Variants in SOX5 observed in about 807,000 individuals in gnomAD.
The protein encoded by SOX5 is transcription factor SOX-5.
In SOX5, 9 loss-of-function variants were observed where a neutral mutation model predicts 92.0. The ratio of observed to expected loss-of-function variants is 0.10; its 90% CI spans 0.06 to 0.17. The LOEUF is 0.17. SOX5 is among the 10% of genes least tolerant of loss of function. The pLI is 1.00. For missense variants in SOX5, 642 were observed against 944.5 expected (o/e 0.68, Z 4.20); for synonymous variants, 344 against 336.3 (o/e 1.02, Z -0.25).
At chr12:24,320,021 C>G (rs1042179558) in intron 2 of SOX5, among the ~76,000 whole-genome samples, 7 of 152,186 alleles carry the variant, frequency 4.6e-5, no homozygotes, top group African/African-American at 1.4e-4. Flanking sequence ...TATATTTCTA[C>G]TAGACTGCTA....
intron 1 of SOX5, among the ~76,000 whole-genome samples, chr12:24,493,233 G>T (rs9630247): frequency 0.31 from 46,529 of 151,892 alleles, 8,396 homozygotes; most frequent in East Asian, 0.71. Context: ...ATTTGAAATC[G>T]CTGGTTAAAA....
At chr12:24,207,643 T>C (rs1279340893) in intron 4 of SOX5, among the ~76,000 whole-genome samples, 1 of 152,208 alleles carries the variant, frequency 6.6e-6, no homozygotes, top group Non-Finnish European at 1.5e-5. Context: ...CAAATGCTAC[T>C]TCAAGACCAT....
In SOX5 at chr12:23,640,835, C is replaced by T. The variant is rs922164639; in HGVS notation, c.994G>A (p.Gly332Ser). Residue 332 changes from glycine to serine, a missense_variant, in exon 8 of 15, where the codon GGC becomes AGC. Gly to Ser is a moderately conservative substitution (Grantham distance 56, BLOSUM62 0). Transcript: ENST00000451604. ...TMAAAAAATP[G>S]LGPLQLQQLY... ...ACCTGCAGTTGGAGTGGGCCTAAGCCTGGTGTTGCTGCGGCAGCAGCTGCC... is the reference window on the plus strand; with the variant it reads ...ACCTGCAGTTGGAGTGGGCCTAAGCTTGGTGTTGCTGCGGCAGCAGCTGCC... 2 of 1,613,900 alleles carry T rather than the reference C, an allele frequency of 1.2e-6. No individual in the cohort carries two copies. The highest frequency in any genetic ancestry group is 1.1e-5 in the South Asian group (1 of 91,064).
At chr12:23,979,946 T>TAGAC (rs200455387) in intron 4 of SOX5, among the ~76,000 whole-genome samples, 18,193 of 133,230 alleles carry the variant, frequency 0.14, 1,512 homozygotes, top group Non-Finnish European at 0.19. Context: ...GATAGATAGA[T>TAGAC]AGATAGACAG....
intron 4 of SOX5, among the ~76,000 whole-genome samples, chr12:23,994,890 G>A (rs77350709): frequency 0.018 from 2,781 of 152,190 alleles, 84 homozygotes; most frequent in African/African-American, 0.063. Context: ...CTCTGTAGAT[G>A]GCCATAATTT....
intron 1 of SOX5, among the ~76,000 whole-genome samples, chr12:23,926,468 T>A (rs930666216): frequency 6.6e-6 from 1 of 152,108 alleles, no homozygotes; most frequent in African/African-American, 2.4e-5. Flanking sequence ...TTTTAATCAA[T>A]GTTCCTGTGA....
chr12:24,304,827 C>G (rs1442671932), intron 2 of SOX5, among the ~76,000 whole-genome samples: 1 of 152,142 alleles, frequency 6.6e-6, no homozygotes, highest in Non-Finnish European at 1.5e-5. Flanking sequence ...GCTGGACAGT[C>G]TAGACCCTCC....
intron 4 of SOX5, among the ~76,000 whole-genome samples, chr12:24,187,220 G>A (rs1956101755): frequency 6.6e-6 from 1 of 152,158 alleles, no homozygotes. Context: ...ATGTAATAGT[G>A]TCATATTTGT....
chr12:24,423,279 C>G (rs1469713216), intron 1 of SOX5, among the ~76,000 whole-genome samples: 2 of 152,164 alleles, frequency 1.3e-5, no homozygotes, highest in Non-Finnish European at 2.9e-5. Flanking sequence ...TCTCAAGTCT[C>G]AATTGATTCT....
chr12:23,904,167 T>C (rs930960228), intron 1 of SOX5, among the ~76,000 whole-genome samples: 1 of 152,168 alleles, frequency 6.6e-6, no homozygotes, highest in African/African-American at 2.4e-5. Flanking sequence ...CTGTCATATA[T>C]AATATTCAGA....
chr12:23,963,347 C>G (rs1947172095), intron 4 of SOX5, among the ~76,000 whole-genome samples: 1 of 152,150 alleles, frequency 6.6e-6, no homozygotes, highest in African/African-American at 2.4e-5. Context: ...TCTATTACTT[C>G]AAAAAGAGTA....
chr12:24,046,748 C>T (rs1957073237), intron 4 of SOX5, among the ~76,000 whole-genome samples: 3 of 147,764 alleles, frequency 2.0e-5, no homozygotes, highest in East Asian at 2.0e-4. Flanking sequence ...GGTGCGATCT[C>T]GGCTCACTGC....
chr12:23,639,086 A>G (rs1370463999), intron 8 of SOX5, among the ~76,000 whole-genome samples: 1 of 152,090 alleles, frequency 6.6e-6, no homozygotes, highest in African/African-American at 2.4e-5. Flanking sequence ...ATCTCAAATC[A>G]TAGTTAAAGT....
chr12:23,546,441 AT>A lies in SOX5; in HGVS notation c.1489-18del, dbSNP rs1318086932. 7.4e-7 allele frequency: 1 copy of A among 1,347,268 alleles called. No homozygotes were observed. The highest frequency in any genetic ancestry group is 1.4e-5 in the African/African-American group (1 of 69,104). The allele number at this position is 1,347,268 out of a possible 1,614,324, so 83.5% of individuals were successfully genotyped here. A position where few individuals can be genotyped will look rare whatever the true frequency, so the allele number is the denominator to read the frequency against. Reference sequence around the variant, plus strand: ...TGTTTTTTCCTTTAAAAAAATTATAATGAGAGATCAGTCTAGGAATTAAAAT... The same window carrying A: ...TGTTTTTTCCTTTAAAAAAATTATAAGAGAGATCAGTCTAGGAATTAAAAT... On this transcript the variant is annotated intron_variant, in intron 11 of 14. Coordinates refer to ENST00000451604, the MANE Select transcript of SOX5 (RefSeq NM_006940.6).
intron 7 of SOX5, among the ~76,000 whole-genome samples, chr12:23,663,166 C>T (rs866388254): frequency 3.9e-5 from 6 of 152,146 alleles, no homozygotes; most frequent in African/African-American, 1.4e-4. Flanking sequence ...GGTGGCAGTT[C>T]CTTTTGCTAC....
At chr12:23,987,404 CTT>C (rs1243453511) in intron 4 of SOX5, among the ~76,000 whole-genome samples, 1 of 152,066 alleles carries the variant, frequency 6.6e-6, no homozygotes, top group Non-Finnish European at 1.5e-5. Flanking sequence ...TTAATGCAAA[CTT>C]GATGTGTTGG....
At chr12:24,168,688 T>C (rs1953708139) in intron 4 of SOX5, among the ~76,000 whole-genome samples, 1 of 152,148 alleles carries the variant, frequency 6.6e-6, no homozygotes, top group Non-Finnish European at 1.5e-5. Context: ...ACAAGGCAGA[T>C]AATATGATGG....
intron 4 of SOX5, among the ~76,000 whole-genome samples, chr12:23,980,984 G>A (rs1318778746): frequency 6.6e-6 from 1 of 152,108 alleles, no homozygotes; most frequent in Non-Finnish European, 1.5e-5. Context: ...TGTGTAGAGT[G>A]TCATGGCCAA....
At chr12:24,064,468 G>C (rs1940312406) in intron 4 of SOX5, among the ~76,000 whole-genome samples, 1 of 151,968 alleles carries the variant, frequency 6.6e-6, no homozygotes, top group Non-Finnish European at 1.5e-5. Context: ...CATATATCAA[G>C]GTTTTTACAG....
Sources: gnomAD v4.1 joint callset for allele counts (sites outside exome capture counted in the v4.1 genomes callset) on GRCh38, gnomAD v4.1.1 for gene constraint, MANE v1.5 for transcripts, NCBI Gene and HGNC (gene_info 2026-07-23, HGNC 2026-07-21) for gene names.